Variants in FHOD3 observed in about 807,000 individuals in gnomAD.
FHOD3 encodes the protein FH1/FH2 domain-containing protein 3.
In FHOD3, 90 loss-of-function variants were observed where a neutral mutation model predicts 173.0. The observed-to-expected ratio is 0.52, with a 90% CI of 0.44 to 0.62. FHOD3 has a LOEUF of 0.62. Ranked by LOEUF, FHOD3 falls within the 20% of genes least tolerant of loss-of-function variation. FHOD3 has a pLI of 0.00. For missense variants in FHOD3, 1,945 were observed against 2,034.7 expected (o/e 0.96, Z 0.85); for synonymous variants, 828 against 823.0 (o/e 1.01, Z -0.10).
chr18:36,677,742 G>A (rs990285353), intron 14 of FHOD3, among the ~76,000 whole-genome samples: 7 of 152,116 alleles, frequency 4.6e-5, no homozygotes, highest in African/African-American at 9.7e-5. Context: ...CTCAGGTCCT[G>A]TGTAAAAATT....
intron 3 of FHOD3, among the ~76,000 whole-genome samples, chr18:36,393,558 A>G (rs2048405645): frequency 6.6e-6 from 1 of 152,196 alleles, no homozygotes; most frequent in Non-Finnish European, 1.5e-5. Flanking sequence ...GCTGGCCCCA[A>G]GACAGTCACA....
chr18:36,563,577 C>T (rs2058162216), intron 5 of FHOD3, among the ~76,000 whole-genome samples: 1 of 152,212 alleles, frequency 6.6e-6, no homozygotes, highest in African/African-American at 2.4e-5. Context: ...CCAGGTTGGA[C>T]TTGTCTTCCA....
chr18:36,617,707 G>A (rs947730592), intron 9 of FHOD3, among the ~76,000 whole-genome samples: 1 of 151,836 alleles, frequency 6.6e-6, no homozygotes, highest in African/African-American at 2.4e-5. Flanking sequence ...CCCTGGAAAT[G>A]TTTAAGTGTC....
intron 3 of FHOD3, among the ~76,000 whole-genome samples, chr18:36,481,894 GA>G (rs1480036607): frequency 6.6e-6 from 1 of 152,168 alleles, no homozygotes; most frequent in Admixed American, 6.5e-5. Flanking sequence ...AGTTGAAAGT[GA>G]GAACAAATTA....
chr18:36,603,890 C>T (rs1342478384), intron 8 of FHOD3, among the ~76,000 whole-genome samples: 4 of 152,172 alleles, frequency 2.6e-5, no homozygotes, highest in Non-Finnish European at 5.9e-5. Context: ...GTCAGGAAGA[C>T]ACGAGGTGCA....
chr18:36,513,763 G>C (rs560671308), intron 5 of FHOD3, among the ~76,000 whole-genome samples: 1 of 151,816 alleles, frequency 6.6e-6, no homozygotes, highest in Non-Finnish European at 1.5e-5. Context: ...AGAGAACGTA[G>C]GGCTCATTAA....
At chr18:36,506,488 G>T (rs2055305038) in intron 4 of FHOD3, among the ~76,000 whole-genome samples, 1 of 152,162 alleles carries the variant, frequency 6.6e-6, no homozygotes, top group African/African-American at 2.4e-5. Flanking sequence ...AGAAGAAAAT[G>T]ATGTCTGACC....
rs560655709 is a variant in FHOD3 at position 36,767,540 on chromosome 18, G to A, written c.4625-1725G>A. Among the ~76,000 whole-genome samples, 17 of 152,068 alleles carry A rather than the reference G, an allele frequency of 1.1e-4. No individual in the cohort carries two copies. In the South Asian group the frequency reaches 3.3e-3, roughly 30 times the overall value. On this transcript the variant is annotated intron_variant, in intron 27 of 28. Transcript: ENST00000590592. ...TCACTGTGTTGGCCAGGCTGTTCTC[G>A]AACTCCTGACCTCAAGCGATCTGCC... is the stretch of plus-strand genomic sequence containing the variant.
At chr18:36,376,278 GA>G (rs1418668688) in intron 3 of FHOD3, among the ~76,000 whole-genome samples, 4 of 152,176 alleles carry the variant, frequency 2.6e-5, no homozygotes, top group Non-Finnish European at 1.5e-5. Context: ...GGCTGGCTTT[GA>G]AGGCATTTTG....
chr18:36,522,143 T>C (rs1334414130), intron 5 of FHOD3, among the ~76,000 whole-genome samples: 1 of 152,210 alleles, frequency 6.6e-6, no homozygotes, highest in Non-Finnish European at 1.5e-5. Context: ...CATATTAGCC[T>C]TCGTGCATGT....
chr18:36,329,445 C>A (rs2044863913), intron 1 of FHOD3, among the ~76,000 whole-genome samples: 3 of 152,284 alleles, frequency 2.0e-5, no homozygotes, highest in Middle Eastern at 3.4e-3. Flanking sequence ...TGGCAAGTAG[C>A]CACTGTGCCA....
chr18:36,641,483 A>G (rs1600034923), intron 10 of FHOD3, among the ~76,000 whole-genome samples: 1 of 152,174 alleles, frequency 6.6e-6, no homozygotes, highest in African/African-American at 2.4e-5. Flanking sequence ...TTGGCTTTAA[A>G]CAGCCAAGTT....
At chr18:36,309,420 A>G (rs1214429092) in intron 1 of FHOD3, among the ~76,000 whole-genome samples, 1 of 152,206 alleles carries the variant, frequency 6.6e-6, no homozygotes, top group Non-Finnish European at 1.5e-5. Context: ...CCTTCTTGCC[A>G]AACACGGAGA....
At chr18:36,618,272 CT>C (rs2033391872) in intron 9 of FHOD3, among the ~76,000 whole-genome samples, 1 of 112,666 alleles carries the variant, frequency 8.9e-6, no homozygotes, top group South Asian at 3.0e-4. Context: ...TCATTGCATT[CT>C]TGTAATACAA....
At chr18:36,582,739 A>G (rs1236403417) in intron 6 of FHOD3, among the ~76,000 whole-genome samples, 2 of 152,262 alleles carry the variant, frequency 1.3e-5, no homozygotes, top group East Asian at 3.8e-4. Context: ...AAAGAATAGT[A>G]ATATGGTAGC....
At chr18:36,725,009 T>C (rs545145167) in intron 19 of FHOD3, among the ~76,000 whole-genome samples, 2 of 152,214 alleles carry the variant, frequency 1.3e-5, no homozygotes, top group Non-Finnish European at 2.9e-5. Context: ...AAGCAGCATG[T>C]TCAGAGATGG....
At chr18:36,579,282 T>A (rs1455732046) in intron 6 of FHOD3, among the ~76,000 whole-genome samples, 4 of 152,164 alleles carry the variant, frequency 2.6e-5, no homozygotes, top group Non-Finnish European at 5.9e-5. Flanking sequence ...AATTAAGATA[T>A]CTTTATGGTT....
intron 19 of FHOD3, among the ~76,000 whole-genome samples, chr18:36,725,100 C>G (rs892779955): frequency 6.6e-6 from 1 of 152,230 alleles, no homozygotes; most frequent in African/African-American, 2.4e-5. Context: ...GTTTTCACAT[C>G]CAGCCAACCC....
At chr18:36,334,896 G>C (rs1407580623) in intron 1 of FHOD3, among the ~76,000 whole-genome samples, 2 of 152,246 alleles carry the variant, frequency 1.3e-5, no homozygotes, top group Non-Finnish European at 2.9e-5. Flanking sequence ...ATTTATTCCT[G>C]TAAGGAGGCC....
Sources: gnomAD v4.1 joint callset for allele counts (sites outside exome capture counted in the v4.1 genomes callset) on GRCh38, gnomAD v4.1.1 for gene constraint, MANE v1.5 for transcripts, NCBI Gene and HGNC (gene_info 2026-07-23, HGNC 2026-07-21) for gene names.